The following CMC2 variants were observed in gnomAD, a reference collection of about 807,000 sequenced individuals.
CMC2 encodes COX assembly mitochondrial protein 2 homolog.
Under a neutral mutation model 7.5 loss-of-function variants are expected in CMC2, and 5 were observed. That is an observed-to-expected ratio of 0.66 (90% CI 0.35 to 1.40). The LOEUF is 1.40. CMC2 is among the 40% of genes most tolerant of loss of function. The pLI is 0.04. For synonymous variants in CMC2, 37 were observed against 31.4 expected (o/e 1.18, Z -0.60); for missense variants, 115 against 92.3 (o/e 1.25, Z -1.01).
chr16:81,003,119 G>A (rs1343368491), intron 1 of CMC2, among the ~76,000 whole-genome samples: 2 of 152,164 alleles, frequency 1.3e-5, no homozygotes, highest in African/African-American at 2.4e-5. Flanking sequence ...TGCATACACA[G>A]ATGTACTGCT....
At chr16:81,002,532 C>A (rs568967322) in intron 1 of CMC2, among the ~76,000 whole-genome samples, 41 of 152,290 alleles carry the variant, frequency 2.7e-4, no homozygotes, top group Non-Finnish European at 4.6e-4. Flanking sequence ...TATCAACCGG[C>A]ACTCAAATGT....
rs374458830 is a variant in CMC2, at chr16:80,976,198, G to T, written c.154-19C>A. The T allele has an allele frequency of 1.2e-5, 17 of 1,409,252 alleles. No homozygotes were observed. The highest frequency in any genetic ancestry group is 5.9e-5 in the African/African-American group (4 of 68,270). 87.3% of individuals were successfully genotyped at this position (1,409,252 alleles called of 1,614,324 possible). On this transcript the variant is annotated intron_variant, in intron 3 of 3. Transcript: ENST00000219400. ...CTACGTACTGAAAAATAAAAGAAGG[G>T]GGGGAGAAAAGAAACAGCAGATTAT... is the stretch of plus-strand genomic sequence containing the variant.
chr16:80,994,024 G>C (rs1043169742), intron 2 of CMC2, among the ~76,000 whole-genome samples: 1 of 152,132 alleles, frequency 6.6e-6, no homozygotes, highest in Non-Finnish European at 1.5e-5. Flanking sequence ...ACAGACTAGA[G>C]AGCCCAGAAA....
intron 2 of CMC2, among the ~76,000 whole-genome samples, chr16:80,985,803 T>G (rs1967474471): frequency 6.8e-6 from 1 of 147,990 alleles, no homozygotes; most frequent in Non-Finnish European, 1.5e-5. Context: ...TAAGACCTGG[T>G]TTAGCAAACA....
intron 2 of CMC2, among the ~76,000 whole-genome samples, chr16:80,992,578 G>C (rs1210546250): frequency 1.3e-5 from 2 of 151,722 alleles, no homozygotes; most frequent in Admixed American, 1.3e-4. Flanking sequence ...TATTTAATTT[G>C]TATTTCTCTA....
At chr16:80,992,406 A>C (rs754186068) in intron 2 of CMC2, among the ~76,000 whole-genome samples, 1 of 152,204 alleles carries the variant, frequency 6.6e-6, no homozygotes, top group Non-Finnish European at 1.5e-5. Flanking sequence ...AAAAGCAAAT[A>C]TACGGCAGTT....
intron 1 of CMC2, chr16:80,998,427 G>A (rs778199478): frequency 1.3e-5 from 2 of 152,016 alleles, no homozygotes; most frequent in Non-Finnish European, 2.9e-5. Context: ...CACTGTGGGC[G>A]GGCATGTAAA....
At chr16:80,977,330 C>T (rs1597208642) in intron 3 of CMC2, among the ~76,000 whole-genome samples, 1 of 152,312 alleles carries the variant, frequency 6.6e-6, no homozygotes, top group South Asian at 2.1e-4. Context: ...ACATTTAAAG[C>T]AGAGGACCTT....
chr16:81,004,040 T>C (rs913512848), intron 1 of CMC2, among the ~76,000 whole-genome samples: 1 of 152,184 alleles, frequency 6.6e-6, no homozygotes, highest in African/African-American at 2.4e-5. Flanking sequence ...CTAGCCAACA[T>C]GGTGAAACCC....
rs1954022299 is a variant in CMC2 at position 80,971,074 on chromosome 16, G to A, written c.*5019C>T. 1 of 152,172 alleles carries A rather than the reference G, an allele frequency of 6.6e-6. No homozygotes were observed. Among genetic ancestry groups the A allele is most frequent in the African/African-American group, 2.4e-5 (1 of 41,430 alleles). The allele number at this position is 152,172 out of a possible 1,614,324, so 9.4% of individuals were successfully genotyped here. A position where few individuals can be genotyped will look rare whatever the true frequency, so the allele number is the denominator to read the frequency against. On this transcript the variant is annotated 3_prime_UTR_variant, in exon 4 of 4. Coordinates refer to ENST00000219400, the MANE Select transcript of CMC2 (RefSeq NM_020188.5). The stretch of plus-strand genomic sequence containing the variant: ...TGCTTGAAGCCAGGAGGTGGAAGTT[G>A]CAGCGAGCTGAGATCATACCACTGC...
chr16:80,997,169 C>T, intron 2 of CMC2, 145 bp downstream of exon 2: 3 of 620,508 alleles, frequency 4.8e-6, no homozygotes, highest in Non-Finnish European at 8.6e-6. Context: ...AAAAAAATCG[C>T]ACATATCAAC....
chr16:81,002,197 G>T (rs887856689), intron 1 of CMC2, among the ~76,000 whole-genome samples: 4 of 152,302 alleles, frequency 2.6e-5, no homozygotes, highest in South Asian at 2.1e-4. Context: ...GGCTGAGGCA[G>T]GTGGATCACC....
intron 2 of CMC2, among the ~76,000 whole-genome samples, chr16:80,991,453 G>T (rs980443589): frequency 6.6e-6 from 1 of 152,060 alleles, no homozygotes; most frequent in Non-Finnish European, 1.5e-5. Flanking sequence ...TGAGCAACAT[G>T]GCGAAAACCC....
rs556247151 is a variant in CMC2 at position 80,984,729 on chromosome 16, T to TAC, written c.82-2854_82-2853dup. On this transcript the variant is annotated intron_variant, in intron 2 of 3. Coordinates refer to ENST00000219400, the MANE Select transcript of CMC2 (RefSeq NM_020188.5). Reference sequence around the variant, plus strand: ...AGACTTTTCAAATGTGAGGCAATATTACATAGTTGACATTTATTCATATCA... The same window carrying TAC: ...AGACTTTTCAAATGTGAGGCAATATTACACATAGTTGACATTTATTCATATCA... Among the ~76,000 whole-genome samples the TAC allele has an allele frequency of 1.3e-3, 202 of 152,360 alleles. 1 individual carries two copies. The highest frequency in any genetic ancestry group is 4.6e-3 in the African/African-American group (193 of 41,582).
At chr16:80,986,755 G>C (rs9926575) in intron 2 of CMC2, among the ~76,000 whole-genome samples, 81 of 152,356 alleles carry the variant, frequency 5.3e-4, no homozygotes, top group African/African-American at 1.9e-3. Flanking sequence ...AAGAATGACA[G>C]TGGAAGTTTT....
chr16:80,994,002 TA>T (rs1968214606), intron 2 of CMC2, among the ~76,000 whole-genome samples: 1 of 152,154 alleles, frequency 6.6e-6, no homozygotes, highest in African/African-American at 2.4e-5. Context: ...AAGAGACATA[TA>T]AATCAGTGAA....
intron 2 of CMC2, among the ~76,000 whole-genome samples, chr16:80,987,258 G>C (rs1332355312): frequency 6.6e-6 from 1 of 152,038 alleles, no homozygotes; most frequent in East Asian, 1.9e-4. Flanking sequence ...ATTTTCTCAC[G>C]ATGGAAAAAA....
chr16:81,004,989 C>A (rs1488066973), intron 1 of CMC2, among the ~76,000 whole-genome samples: 1 of 152,176 alleles, frequency 6.6e-6, no homozygotes, highest in African/African-American at 2.4e-5. Flanking sequence ...TCCTATTGTG[C>A]GGCTGCACAG....
rs1912196305 is a variant in CMC2, at chr16:80,975,276, C to G, written c.*817G>C. ...TGGGAAAGCAAAGTCTGCTAAGACT[C>G]AATTCCTAACCAGATGAAATTTTAT... On this transcript the variant is annotated 3_prime_UTR_variant, in exon 4 of 4. Transcript: ENST00000219400. The G allele has an allele frequency of 1.3e-5, 2 of 152,246 alleles. No individual in the cohort carries two copies. The highest frequency in any genetic ancestry group is 4.1e-4 in the South Asian group (2 of 4,836). The allele number at this position is 152,246 out of a possible 1,614,324, so 9.4% of individuals were successfully genotyped here. A position where few individuals can be genotyped will look rare whatever the true frequency, so the allele number is the denominator to read the frequency against.
Sources: allele counts gnomAD v4.1 joint callset (sites outside exome capture counted in the v4.1 genomes callset), GRCh38; gene constraint gnomAD v4.1.1; transcripts MANE v1.5; gene names NCBI Gene and HGNC (gene_info 2026-07-23, HGNC 2026-07-21).